Variants in ZNF208 observed in about 807,000 individuals in gnomAD.
ZNF208 encodes the protein zinc finger protein 95.
ZNF208 carries 10 observed loss-of-function variants against 12.1 expected under a neutral mutation model. That is an observed-to-expected ratio of 0.83 (90% CI 0.51 to 1.40). The LOEUF (loss-of-function observed/expected upper bound fraction) is 1.40. ZNF208 is among the 40% of genes most tolerant of loss of function. The probability of loss-of-function intolerance (pLI) is 0.00; values close to 1 mark genes in which losing one functional copy is unlikely to be tolerated. For synonymous variants in ZNF208, 497 were observed against 488.4 expected, an observed-to-expected ratio of 1.02 and a Z score of -0.23; for missense variants, 1,652 against 1,485.0, an observed-to-expected ratio of 1.11 and a Z score of -1.85.
At chr19:21,945,683 G>C (rs1969805848) in intron 4 of ZNF208, among the ~76,000 whole-genome samples, 1 of 151,994 alleles carries the variant, frequency 6.6e-6, no homozygotes, top group African/African-American at 2.4e-5. Context: ...ATTCCAAAAT[G>C]ATTTATATGG....
chr19:21,964,378 C>T (rs1221871649), downstream of ZNF208, among the ~76,000 whole-genome samples: 1 of 151,656 alleles, frequency 6.6e-6, no homozygotes, highest in African/African-American at 2.4e-5. Flanking sequence ...GAAAGACAGA[C>T]TCTAAAGCAA....
Position 21,974,772 on chromosome 19 carries a change from C to T in ZNF208, c.262G>A (p.Glu88Lys). The change falls in exon 4 of 4, where the codon GAG (glutamate) becomes AAG (lysine). Residue 88 changes from glutamate (E) to lysine (K), a missense_variant. By Grantham distance (56) the Glu-to-Lys change is moderately conservative. Around this residue, in one of 3 missense-constraint regions of ZNF208, gnomAD observed 410 missense variants for 378.2 expected, o/e 1.08. Coordinates refer to ENST00000397126, the MANE Select transcript of ZNF208 (RefSeq NM_007153.3). ...CSHFAQDLWP[E>K]QGIEDSFQKV... is the part of the protein sequence containing the mutation. ...TGGAAAGAATCTTCTATGCCCTGCT[C>T]TGGCCAAAGATCTTGAGCAAAATGA... The T allele has an allele frequency of 1.3e-6, 2 of 1,588,394 alleles. No homozygotes were observed. Among genetic ancestry groups the T allele is most frequent in the African/African-American group, 2.7e-5 (2 of 73,816 alleles).
chr19:21,999,678 A>G (rs894232361), intron 1 of ZNF208, among the ~76,000 whole-genome samples: 1 of 152,138 alleles, frequency 6.6e-6, no homozygotes, highest in African/African-American at 2.4e-5. Context: ...CAAAAAAAAA[A>G]CCAATATTTT....
At chr19:21,953,761 TTTG>T (rs762665708) in intron 4 of ZNF208, among the ~76,000 whole-genome samples, 5 of 151,322 alleles carry the variant, frequency 3.3e-5, no homozygotes, top group Non-Finnish European at 7.4e-5. Context: ...ATCAGGCAAT[TTTG>T]TTGATCTTTT....
At position 21,973,328 on chromosome 19, in the gene ZNF208, C is replaced by T; in HGVS notation, c.1706G>A (p.Ser569Asn). The T allele has an allele frequency of 1.9e-6, 3 of 1,605,154 alleles. No individual in the cohort carries two copies. Among genetic ancestry groups the T allele is most frequent in the Non-Finnish European group, 2.5e-6 (3 of 1,176,924 alleles). ...TACAGTATGAATTTTCTTATGATAA[C>T]TAAGGGTTGAGGACCACTTATAGGC... The part of the protein sequence containing the change: ...GKAYKWSSTL[S>N]YHKKIHTVEK... Residue 569 changes from serine (S) to asparagine (N), a missense_variant, in exon 4 of 4, where the codon AGT (serine) becomes AAT (asparagine). Coordinates refer to ENST00000397126, the MANE Select transcript of ZNF208 (RefSeq NM_007153.3).
Position 21,966,590 on chromosome 19 carries a change from A to G in ZNF208, c.*4601T>C, listed in dbSNP as rs1176229348. 6.6e-6 allele frequency: 1 copy of G among 152,104 alleles called. No individual in the cohort carries two copies. Among genetic ancestry groups the G allele is most frequent in the Non-Finnish European group, 1.5e-5 (1 of 68,000 alleles). 9.4% of individuals were successfully genotyped at this position (152,104 alleles called of 1,614,324 possible). A position where few individuals can be genotyped will look rare whatever the true frequency, so the allele number is the denominator to read the frequency against. On this transcript the variant is annotated 3_prime_UTR_variant, in exon 4 of 4. Coordinates refer to ENST00000397126, the MANE Select transcript of ZNF208 (RefSeq NM_007153.3). The stretch of plus-strand genomic sequence containing the variant: ...ATGTGAGTGCTGGTGTCTCTTTGGC[A>G]AAATTATTTATTCTTTTTGGGGGCA...
chr19:21,983,403 T>A (rs1401103942), intron 3 of ZNF208, among the ~76,000 whole-genome samples: 2 of 152,138 alleles, frequency 1.3e-5, no homozygotes, highest in African/African-American at 4.8e-5. Flanking sequence ...CACTGCTGGT[T>A]GGAGTGTAAA....
chr19:21,990,058 C>A (rs1342972013), intron 1 of ZNF208, among the ~76,000 whole-genome samples: 1 of 152,038 alleles, frequency 6.6e-6, no homozygotes, highest in Non-Finnish European at 1.5e-5. Context: ...ATGGTAGTTT[C>A]TTTTGCTGTG....
intron 3 of ZNF208, among the ~76,000 whole-genome samples, chr19:21,978,307 C>T (rs1970471284): frequency 6.6e-6 from 1 of 152,198 alleles, no homozygotes; most frequent in South Asian, 2.1e-4. Context: ...AGCTGATAGA[C>T]ACCTCGTACA....
In ZNF208 at chr19:21,973,879, A is replaced by T; in HGVS notation, c.1155T>A (p.Ser385Arg). The change falls in exon 4 of 4, where the codon AGT becomes AGA. Residue 385 changes from serine (S) to arginine (R), a missense_variant. Transcript: ENST00000397126. ...CTCCAGTATGAATTTTCTTATGATAACTAAGGGTTGAGGGCCACTTATAGG... is the reference window on the plus strand; with the variant it reads ...CTCCAGTATGAATTTTCTTATGATATCTAAGGGTTGAGGGCCACTTATAGG... ...GKAYKWPSTL[S>R]YHKKIHTGEK... The T allele has an allele frequency of 1.9e-6, 3 of 1,613,164 alleles. No individual in the cohort carries two copies. The highest frequency in any genetic ancestry group is 2.5e-6 in the Non-Finnish European group (3 of 1,179,766).
Position 21,972,569 on chromosome 19 carries a change from G to A in ZNF208, c.2465C>T (p.Thr822Ile), listed in dbSNP as rs1482526277. Residue 822 changes from threonine (T) to isoleucine (I), a missense_variant, in exon 4 of 4, where the codon ACA (threonine) becomes ATA (isoleucine). Coordinates refer to ENST00000397126, the MANE Select transcript of ZNF208 (RefSeq NM_007153.3). ...TTCTCCAGCATGAATTGCCTTATGT[G>A]TAGTAAGGGTTGAGACCTTACTAAA... ...KTFSKVSTLT[T>I]HKAIHAGEKP... The A allele has an allele frequency of 5.6e-6, 9 of 1,605,424 alleles. No homozygotes were observed. The African/African-American group carries it at 1.1e-4, about 20-fold the overall frequency.
At chr19:21,965,292 T>C (rs1161641365), downstream of ZNF208, among the ~76,000 whole-genome samples, 2 of 152,070 alleles carry the variant, frequency 1.3e-5, no homozygotes, top group Non-Finnish European at 2.9e-5. Context: ...CTGTCATTTC[T>C]AGATGAAATA....
At position 21,952,430 on chromosome 19, in the gene ZNF208, C is replaced by T. The variant is rs183687060; in HGVS notation, c.306-19193G>A. On this transcript the variant is annotated intron_variant, in intron 4 of 4. Transcript: ENST00000599916. ...ACAGATACCTCATATAGGTGGGTGC[C>T]CCTCTGGGACAAACCTTCCAGAGGA... 8.5e-5 allele frequency among the ~76,000 whole-genome samples: 13 copies of T among 152,248 alleles called. No homozygotes were observed. In the East Asian group the frequency reaches 1.5e-3, roughly 18 times the overall value.
intron 1 of ZNF208, among the ~76,000 whole-genome samples, chr19:22,005,486 T>C: frequency 6.6e-6 from 1 of 151,980 alleles, no homozygotes; most frequent in East Asian, 1.9e-4. Context: ...ATCTGCAGAG[T>C]TTGATGAACA....
chr19:21,963,083 G>T (rs1326094093), downstream of ZNF208, among the ~76,000 whole-genome samples: 9 of 151,962 alleles, frequency 5.9e-5, no homozygotes, highest in Non-Finnish European at 1.0e-4. Context: ...TATATCAGTG[G>T]AAAGCAGGCC....
chr19:21,985,832 G>A (rs1449808703), intron 3 of ZNF208, among the ~76,000 whole-genome samples: 1 of 152,100 alleles, frequency 6.6e-6, no homozygotes, highest in Admixed American at 6.6e-5. Flanking sequence ...ATGCTCTCTG[G>A]TACTCAGTGA....
intron 1 of ZNF208, among the ~76,000 whole-genome samples, 176 bp from the exon 2 acceptor site, chr19:21,989,085 CTTT>C (rs869048510): frequency 9.3e-6 from 1 of 107,592 alleles, no homozygotes; most frequent in Admixed American, 8.4e-5. Flanking sequence ...TCTCTTTTTT[CTTT>C]TTTTAATTAT....
downstream of ZNF208, among the ~76,000 whole-genome samples, chr19:21,962,447 A>T (rs541864526): frequency 9.2e-5 from 14 of 152,278 alleles, no homozygotes; most frequent in African/African-American, 3.1e-4. Context: ...GAACATTTTT[A>T]AAAAATTAAG....
At chr19:21,958,419 G>C (rs547157069) in intron 4 of ZNF208, among the ~76,000 whole-genome samples, 1 of 152,240 alleles carries the variant, frequency 6.6e-6, no homozygotes, top group Admixed American at 6.5e-5. Context: ...CTGGGTGATA[G>C]AAATAAATAA....
Sources: gnomAD v4.1 joint callset for allele counts (sites outside exome capture counted in the v4.1 genomes callset) on GRCh38, gnomAD v4.1.1 for gene constraint, gnomAD v4.1.1 regional missense constraint, MANE v1.5 for transcripts, NCBI Gene and HGNC (gene_info 2026-07-23, HGNC 2026-07-21) for gene names.